Variants in TMEM127 observed in about 807,000 individuals in gnomAD.
TMEM127 encodes the protein transmembrane protein 127.
TMEM127 carries 21 observed loss-of-function variants against 20.1 expected under a neutral mutation model. The observed-to-expected ratio is 1.04, with a 90% CI of 0.74 to 1.50. The LOEUF (loss-of-function observed/expected upper bound fraction) is 1.50. Among genes scored for constraint, TMEM127 ranks in the 40% most tolerant of loss-of-function variants. The probability of loss-of-function intolerance (pLI) is 0.00; values close to 1 mark genes in which losing one functional copy is unlikely to be tolerated. For missense variants in TMEM127, 303 were observed against 317.4 expected, an observed-to-expected ratio of 0.95 and a Z score of 0.34; for synonymous variants, 150 against 144.7, an observed-to-expected ratio of 1.04 and a Z score of -0.26.
At position 96,251,048 on chromosome 2, in the gene TMEM127, T is replaced by G. The variant is rs886056431; in HGVS notation, c.*2760A>C. Reference sequence around the variant, plus strand: ...TTCTCCTCTATAGCTCACCAGAGGATGCAGCCTGAAGAGCTCAGGGTTTGA... The same window carrying G: ...TTCTCCTCTATAGCTCACCAGAGGAGGCAGCCTGAAGAGCTCAGGGTTTGA... On this transcript the variant is annotated 3_prime_UTR_variant, in exon 4 of 4. Coordinates refer to ENST00000258439, the MANE Select transcript of TMEM127 (RefSeq NM_017849.4). 9.1e-6 allele frequency: 2 copies of G among 219,744 alleles called. No homozygotes were observed. Among genetic ancestry groups the G allele is most frequent in the Non-Finnish European group, 1.8e-5 (2 of 109,566 alleles). 13.6% of individuals were successfully genotyped at this position (219,744 alleles called of 1,614,324 possible).
intron 2 of TMEM127, among the ~76,000 whole-genome samples, chr2:96,256,269 CAAAAA>C (rs149704966): frequency 1.1e-5 from 1 of 92,350 alleles, no homozygotes. Flanking sequence ...GACTCTGTCT[CAAAAA>C]AAAAAAAAAA....
rs368792184 is a variant in TMEM127 at position 96,253,892 on chromosome 2, G to C, written c.633C>G (p.Leu211=). 3.1e-6 allele frequency: 5 copies of C among 1,614,016 alleles called. No individual in the cohort carries two copies. The African/African-American group carries it at 6.7e-5, about 22-fold the overall frequency. Reference sequence around the variant, plus strand: ...AGGGCTCGTTCTCTTCCATCTCTGAGAGCAGCTCCAGCGCCTGCTCCTCTT... The same window carrying C: ...AGGGCTCGTTCTCTTCCATCTCTGACAGCAGCTCCAGCGCCTGCTCCTCTT... The part of the protein sequence containing the change: ...TEEEEQALEL[L]SEMEENEPYP... Residue 211 remains leucine (L), a synonymous_variant, in exon 4 of 4, where the codon CTC becomes CTG. Coordinates refer to ENST00000258439, the MANE Select transcript of TMEM127 (RefSeq NM_017849.4). The surrounding 1 kb of genome is among the most constrained non-coding windows in gnomAD (Gnocchi z 4.3).
At chr2:96,258,861 C>T (rs1384467740) in intron 2 of TMEM127, among the ~76,000 whole-genome samples, 2 of 152,126 alleles carry the variant, frequency 1.3e-5, no homozygotes, top group African/African-American at 2.4e-5. Context: ...GGTCACATGC[C>T]GCTCTGCAGT....
intron 2 of TMEM127, among the ~76,000 whole-genome samples, chr2:96,258,463 A>T (rs942918934): frequency 2.0e-5 from 3 of 152,206 alleles, no homozygotes; most frequent in African/African-American, 7.2e-5. Context: ...CGCCCAGCAG[A>T]GGCTGGCTGG....
rs1487869724 is a variant in TMEM127, at chr2:96,252,781, C to T, written c.*1027G>A. ...AGTGCTGCAGTCCTGAGGAGCACCA[C>T]GCTGGCCCGCCAGCCAGGCCACAGT... is the stretch of plus-strand genomic sequence containing the variant. On this transcript the variant is annotated 3_prime_UTR_variant, in exon 4 of 4. Transcript: ENST00000258439. The surrounding 1 kb of genome is among the most constrained non-coding windows in gnomAD (Gnocchi z 4.2). 1.7e-5 allele frequency: 4 copies of T among 233,786 alleles called. No individual in the cohort carries two copies. Among genetic ancestry groups the T allele is most frequent in the African/African-American group, 4.4e-5 (2 of 45,352 alleles). 14.5% of individuals were successfully genotyped at this position (233,786 alleles called of 1,614,324 possible).
At chr2:96,258,007 G>A (rs1684245109) in intron 2 of TMEM127, among the ~76,000 whole-genome samples, 1 of 152,204 alleles carries the variant, frequency 6.6e-6, no homozygotes, top group Admixed American at 6.5e-5. Flanking sequence ...GGGTCACCAA[G>A]TGATTTAGGA....
chr2:96,252,920 C>T lies in TMEM127; in HGVS notation c.*888G>A, dbSNP rs1684122203. 4.3e-6 allele frequency: 1 copy of T among 233,314 alleles called. No homozygotes were observed. Among genetic ancestry groups the T allele is most frequent in the African/African-American group, 2.2e-5 (1 of 45,338 alleles). The allele number at this position is 233,314 out of a possible 1,614,324, so 14.5% of individuals were successfully genotyped here. A position where few individuals can be genotyped will look rare whatever the true frequency, so the allele number is the denominator to read the frequency against. ...TGGGAGAGACTCGGGGAGGGACTAC[C>T]ATGGGCTTGGAAGGAGCTACAGCCC... On this transcript the variant is annotated 3_prime_UTR_variant, in exon 4 of 4. Transcript: ENST00000258439. This position sits in a 1 kb window ranked among gnomAD's most constrained non-coding sequence, Gnocchi z 4.2.
intron 2 of TMEM127, among the ~76,000 whole-genome samples, chr2:96,259,506 A>G (rs1301209850): frequency 6.6e-6 from 1 of 152,272 alleles, no homozygotes; most frequent in Non-Finnish European, 1.5e-5. Flanking sequence ...CACTAGAGGA[A>G]CAGCTTGAAG....
In TMEM127 at chr2:96,265,137, C is replaced by T; in HGVS notation, c.244+1G>A. On this transcript the variant is annotated splice_donor_variant, in intron 2 of 3. Transcript: ENST00000258439. LOFTEE classifies it high-confidence loss of function. ...TAAGGGCCAGCGCGCAGCACCCTCA[C>T]CTTTCAGCAGGTCCGGGTGCACATA... 1 of 1,612,250 alleles carries T rather than the reference C, an allele frequency of 6.2e-7. No homozygotes were observed. Among genetic ancestry groups the T allele is most frequent in the Non-Finnish European group, 8.5e-7 (1 of 1,179,788 alleles).
chr2:96,256,571 C>CAAA (rs1234363746), intron 2 of TMEM127, among the ~76,000 whole-genome samples: 2 of 54,648 alleles, frequency 3.7e-5, no homozygotes, highest in African/African-American at 6.7e-5. Flanking sequence ...AACTCTGTCT[C>CAAA]AAAAAAAAAA....
intron 2 of TMEM127, among the ~76,000 whole-genome samples, chr2:96,257,002 G>C (rs2104292407): frequency 6.6e-6 from 1 of 152,302 alleles, no homozygotes; most frequent in East Asian, 1.9e-4. Context: ...CACACGTCAA[G>C]GGCATAAATG....
intron 2 of TMEM127, among the ~76,000 whole-genome samples, chr2:96,262,565 G>A (rs1238885851): frequency 6.6e-6 from 1 of 152,264 alleles, no homozygotes; most frequent in East Asian, 1.9e-4. Context: ...GCTCTTAGGA[G>A]ATGGCCACAG....
chr2:96,260,032 A>G (rs1485475710), intron 2 of TMEM127, among the ~76,000 whole-genome samples: 2 of 152,264 alleles, frequency 1.3e-5, no homozygotes, highest in African/African-American at 4.8e-5. Context: ...CTTTTGACCT[A>G]AAACTCCAAT....
chr2:96,258,724 C>G (rs955277332), intron 2 of TMEM127, among the ~76,000 whole-genome samples: 1 of 152,204 alleles, frequency 6.6e-6, no homozygotes, highest in African/African-American at 2.4e-5. Flanking sequence ...CTCTAGGAGA[C>G]AGGGGCTATC....
chr2:96,261,207 G>A (rs1361431563), intron 2 of TMEM127, among the ~76,000 whole-genome samples: 10 of 152,152 alleles, frequency 6.6e-5, no homozygotes, highest in African/African-American at 2.4e-4. Flanking sequence ...TCCACCCAGG[G>A]CCAGGTTGAG....
chr2:96,251,780 G>GGAA lies in TMEM127; in HGVS notation c.*2025_*2027dup, dbSNP rs1406629856. On this transcript the variant is annotated 3_prime_UTR_variant, in exon 4 of 4. Coordinates refer to ENST00000258439, the MANE Select transcript of TMEM127 (RefSeq NM_017849.4). ...ATGGCAGAGGGAAAGAGAAAGAAGA[G>GGAA]GAAGGCCAAAGACATGGGGAGTGAA... 1 of 233,030 alleles carries GGAA rather than the reference G, an allele frequency of 4.3e-6. No homozygotes were observed. Among genetic ancestry groups the GGAA allele is most frequent in the African/African-American group, 2.2e-5 (1 of 45,294 alleles). 14.4% of individuals were successfully genotyped at this position (233,030 alleles called of 1,614,324 possible). A position where few individuals can be genotyped will look rare whatever the true frequency, so the allele number is the denominator to read the frequency against.
rs1219667852 is a variant in TMEM127, at chr2:96,250,344, C to T, written c.*3464G>A. Reference sequence around the variant, plus strand: ...CCCACATCAAGTGTGGCTCAAGCTGCGTCCTCCAGGAAGCCTTTCATTATC... The same window carrying T: ...CCCACATCAAGTGTGGCTCAAGCTGTGTCCTCCAGGAAGCCTTTCATTATC... On this transcript the variant is annotated 3_prime_UTR_variant, in exon 4 of 4. Coordinates refer to ENST00000258439, the MANE Select transcript of TMEM127 (RefSeq NM_017849.4). 1.7e-5 allele frequency: 4 copies of T among 232,572 alleles called. No homozygotes were observed. Among genetic ancestry groups the T allele is most frequent in the Non-Finnish European group, 2.5e-5 (3 of 117,706 alleles). The allele number at this position is 232,572 out of a possible 1,614,324, so 14.4% of individuals were successfully genotyped here.
chr2:96,254,763 C>T (rs1396772743), intron 3 of TMEM127, 70 bp downstream of exon 3: 12 of 1,596,612 alleles, frequency 7.5e-6, no homozygotes, highest in African/African-American at 2.7e-5. Context: ...GAGCCCCCAC[C>T]GGCAACTCAG....
At position 96,254,990 on chromosome 2, in the gene TMEM127, G is replaced by T. The variant is rs1305827348; in HGVS notation, c.252C>A (p.Cys84Ter). Residue 84 changes from cysteine to a stop codon, truncating the protein, a stop_gained, in exon 3 of 4, where the codon TGC becomes TGA. Coordinates refer to ENST00000258439, the MANE Select transcript of TMEM127 (RefSeq NM_017849.4). LOFTEE classifies it high-confidence loss of function. ...GGAGCAGCACTGTCTGGGGATTCAT[G>T]CAGAAATCTGTAGAGGGAGAACCAA... Reference protein sequence around the residue: ...YVHPDLLKDFCMNPQTVLLLR... With the variant: ...YVHPDLLKDF 1.2e-6 allele frequency: 2 copies of T among 1,614,100 alleles called. No individual in the cohort carries two copies. Among genetic ancestry groups the T allele is most frequent in the Non-Finnish European group, 1.7e-6 (2 of 1,180,034 alleles).
Sources: allele counts gnomAD v4.1 joint callset (sites outside exome capture counted in the v4.1 genomes callset), GRCh38; gene constraint gnomAD v4.1.1; non-coding constraint Gnocchi (gnomAD v3.1); transcripts MANE v1.5; gene names NCBI Gene and HGNC (gene_info 2026-07-23, HGNC 2026-07-21).